Variants in TSHZ2 observed in about 807,000 individuals in gnomAD.
TSHZ2 encodes the protein teashirt homolog 2.
TSHZ2 carries 21 observed loss-of-function variants against 74.4 expected under a neutral mutation model. The ratio of observed to expected loss-of-function variants is 0.28; its 90% CI spans 0.20 to 0.41. The LOEUF (loss-of-function observed/expected upper bound fraction) is 0.41. Ranked by LOEUF, TSHZ2 falls within the 10% of genes least tolerant of loss-of-function variation. TSHZ2 has a pLI of 1.00. For missense variants in TSHZ2, 1,244 were observed against 1,293.5 expected, an observed-to-expected ratio of 0.96 and a Z score of 0.59; for synonymous variants, 540 against 515.3, an observed-to-expected ratio of 1.05 and a Z score of -0.65.
intron 2 of TSHZ2, among the ~76,000 whole-genome samples, chr20:53,322,275 C>T (rs767471770): frequency 5.3e-5 from 8 of 152,228 alleles, no homozygotes; most frequent in Admixed American, 2.0e-4. Flanking sequence ...CACTTTGGGA[C>T]GCCAAGGCGG....
intron 1 of TSHZ2, among the ~76,000 whole-genome samples, chr20:52,984,789 C>A (rs1383129739): frequency 6.6e-6 from 1 of 152,008 alleles, no homozygotes; most frequent in Non-Finnish European, 1.5e-5. Flanking sequence ...TGACTTGGAC[C>A]AGATGGATGG....
intron 2 of TSHZ2, among the ~76,000 whole-genome samples, chr20:53,321,475 G>A (rs1979258422): frequency 6.6e-6 from 1 of 151,922 alleles, no homozygotes; most frequent in Non-Finnish European, 1.5e-5. Context: ...CACGAGGTCA[G>A]GAGTTCAAGA....
intron 2 of TSHZ2, chr20:53,421,680 G>GGTTTTTTTT (rs1983471124): frequency 9.1e-6 from 1 of 110,258 alleles, no homozygotes; most frequent in Non-Finnish European, 1.8e-5. Flanking sequence ...TTATGTTTTT[G>GGTTTTTTTT]GTTTTTTTTT....
At chr20:53,195,085 G>A (rs1304761458) in intron 1 of TSHZ2, among the ~76,000 whole-genome samples, 1 of 152,112 alleles carries the variant, frequency 6.6e-6, no homozygotes, top group Non-Finnish European at 1.5e-5. Context: ...GCAGGCAGAG[G>A]AGCAGGACTT....
chr20:53,152,295 T>C (rs1987693445), intron 1 of TSHZ2, among the ~76,000 whole-genome samples: 1 of 152,096 alleles, frequency 6.6e-6, no homozygotes, highest in Non-Finnish European at 1.5e-5. Context: ...CTTAGGAGCT[T>C]ACACAGTTTC....
intron 1 of TSHZ2, among the ~76,000 whole-genome samples, chr20:52,986,123 G>A (rs1444854753): frequency 6.6e-6 from 1 of 152,164 alleles, no homozygotes; most frequent in Non-Finnish European, 1.5e-5. Flanking sequence ...CGGGCACAGT[G>A]GCTCACGCCT....
chr20:53,138,557 T>C (rs1987310442), intron 1 of TSHZ2, among the ~76,000 whole-genome samples: 1 of 152,148 alleles, frequency 6.6e-6, no homozygotes, highest in Admixed American at 6.5e-5. Flanking sequence ...CTAAGTCCTT[T>C]CATATTTGTG....
intron 1 of TSHZ2, among the ~76,000 whole-genome samples, chr20:53,216,899 G>A (rs888456993): frequency 5.9e-5 from 9 of 152,116 alleles, no homozygotes; most frequent in Non-Finnish European, 1.2e-4. Flanking sequence ...AGCTCCTGGC[G>A]ACTCACTTCA....
At chr20:53,381,965 A>C (rs921657066) in intron 2 of TSHZ2, among the ~76,000 whole-genome samples, 4 of 152,208 alleles carry the variant, frequency 2.6e-5, no homozygotes, top group African/African-American at 9.6e-5. Context: ...TTTTGGGGAC[A>C]AGGAAAATGT....
At chr20:53,147,813 T>C (rs1379690982) in intron 1 of TSHZ2, among the ~76,000 whole-genome samples, 1 of 152,150 alleles carries the variant, frequency 6.6e-6, no homozygotes, top group East Asian at 1.9e-4. Flanking sequence ...ACCTCCTGGG[T>C]TCAAGTGACT....
At chr20:53,454,282 G>C (rs1365298641) in intron 2 of TSHZ2, among the ~76,000 whole-genome samples, 1 of 152,122 alleles carries the variant, frequency 6.6e-6, no homozygotes, top group East Asian at 1.9e-4. Context: ...TGTCTTTAAA[G>C]GCCAGGCGTG....
At chr20:53,394,937 C>A (rs988121734) in intron 2 of TSHZ2, among the ~76,000 whole-genome samples, 3 of 150,760 alleles carry the variant, frequency 2.0e-5, no homozygotes, top group Admixed American at 6.6e-5. Context: ...TTCCTCTTTG[C>A]CACTTCCCAC....
rs777134610 is a variant in TSHZ2 at position 53,255,125 on chromosome 20, C to T, written c.1667C>T (p.Pro556Leu). ...AAYQLSEGTK[P>L]PLPMGSQVLQ... ...TACCAGCTGTCTGAGGGCACCAAGC[C>T]GCCTTTGCCTATGGGATCCCAGGTA... The change falls in exon 2 of 3, where the codon CCG becomes CTG. Residue 556 changes from proline to leucine, a missense_variant. By Grantham distance (98) the Pro-to-Leu change is moderately conservative (BLOSUM62 -3). Coordinates refer to ENST00000371497, the MANE Select transcript of TSHZ2 (RefSeq NM_173485.6). This position sits in a 1 kb window ranked among gnomAD's most constrained non-coding sequence, Gnocchi z 4.1. The T allele has an allele frequency of 1.2e-5, 19 of 1,614,068 alleles. No homozygotes were observed. The highest frequency in any genetic ancestry group is 6.7e-5 in the African/African-American group (5 of 74,936).
chr20:53,421,674 G>GTT (rs764819493), intron 2 of TSHZ2: 2 of 132,556 alleles, frequency 1.5e-5, no homozygotes, highest in African/African-American at 5.9e-5. Context: ...TTTATCTTAT[G>GTT]TTTTTGGTTT....
intron 1 of TSHZ2, among the ~76,000 whole-genome samples, chr20:53,230,841 G>A (rs1238414125): frequency 1.3e-5 from 2 of 150,402 alleles, no homozygotes; most frequent in African/African-American, 4.9e-5. Flanking sequence ...GCAGTGAGCC[G>A]AGATCACACC....
intron 2 of TSHZ2, among the ~76,000 whole-genome samples, chr20:53,281,073 C>T (rs6097331): frequency 0.029 from 4,378 of 152,284 alleles, 192 homozygotes; most frequent in African/African-American, 0.1. Context: ...CAAAGAAAGC[C>T]TCTGGCCTCA....
intron 2 of TSHZ2, among the ~76,000 whole-genome samples, chr20:53,297,353 G>A (rs922627998): frequency 2.0e-5 from 3 of 150,632 alleles, no homozygotes; most frequent in Admixed American, 6.7e-5. Flanking sequence ...AGGATCAGGC[G>A]ATCCTCCTGC....
chr20:53,275,109 A>G (rs1252544016), intron 2 of TSHZ2, among the ~76,000 whole-genome samples: 1 of 152,192 alleles, frequency 6.6e-6, no homozygotes, highest in Non-Finnish European at 1.5e-5. Flanking sequence ...GTACCCTAAT[A>G]TAAATATACC....
intron 1 of TSHZ2, among the ~76,000 whole-genome samples, chr20:52,997,996 G>GA (rs1208372116): frequency 6.6e-6 from 1 of 152,182 alleles, no homozygotes; most frequent in Non-Finnish European, 1.5e-5. Flanking sequence ...TGCTTCATCA[G>GA]AATCTGCATT....
Sources: gnomAD v4.1 joint callset for allele counts (sites outside exome capture counted in the v4.1 genomes callset) on GRCh38, gnomAD v4.1.1 for gene constraint, Gnocchi (gnomAD v3.1) non-coding constraint, MANE v1.5 for transcripts, NCBI Gene and HGNC (gene_info 2026-07-23, HGNC 2026-07-21) for gene names.